The following DPP6 variants were observed in gnomAD, a reference collection of about 807,000 sequenced individuals.
The protein encoded by DPP6 is dipeptidyl peptidase like 6, also known as A-type potassium channel modulatory protein DPP6.
Under a neutral mutation model 122.6 loss-of-function variants are expected in DPP6, and 69 were observed. The ratio of observed to expected loss-of-function variants is 0.56; its 90% CI spans 0.46 to 0.69. DPP6 has a LOEUF of 0.69. DPP6 is among the 30% of genes least tolerant of loss of function. The pLI is 0.00. For synonymous variants in DPP6, 418 were observed against 433.1 expected, an observed-to-expected ratio of 0.97 and a Z score of 0.43; for missense variants, 928 against 1,116.9, an observed-to-expected ratio of 0.83 and a Z score of 2.41.
At chr7:154,425,784 A>C (rs1817866394) in intron 1 of DPP6, among the ~76,000 whole-genome samples, 2 of 151,998 alleles carry the variant, frequency 1.3e-5, no homozygotes, top group Non-Finnish European at 2.9e-5. Flanking sequence ...CTGGGCCTAC[A>C]GGCACACACC....
intron 1 of DPP6, among the ~76,000 whole-genome samples, chr7:154,186,019 T>C (rs1433635817): frequency 1.3e-5 from 2 of 152,214 alleles, no homozygotes; most frequent in Non-Finnish European, 2.9e-5. Flanking sequence ...CTAGGCTGCA[T>C]TGGGAAAACC....
At chr7:154,152,476 G>A (rs543013193) in intron 1 of DPP6, among the ~76,000 whole-genome samples, 19 of 152,300 alleles carry the variant, frequency 1.2e-4, no homozygotes, top group African/African-American at 4.1e-4. Context: ...CTTGTGTTGA[G>A]TTTTATGCCC....
intron 8 of DPP6, among the ~76,000 whole-genome samples, chr7:154,745,473 C>A (rs986421765): frequency 2.0e-5 from 3 of 152,156 alleles, no homozygotes; most frequent in Non-Finnish European, 4.4e-5. Context: ...TAACACCCGG[C>A]CTTCCCATCT....
chr7:153,846,544 G>A, the DPP6 span, among the ~76,000 whole-genome samples: 1 of 151,334 alleles, frequency 6.6e-6, no homozygotes. Context: ...TTATTTTATG[G>A]CCCGGCACAC....
chr7:153,852,559 C>A, the DPP6 span, among the ~76,000 whole-genome samples: 2,033 of 152,170 alleles, frequency 0.013, 40 homozygotes, highest in African/African-American at 0.047. Flanking sequence ...TCAACTCCCA[C>A]CAGGCCCCAC....
At position 154,231,398 on chromosome 7, in the gene DPP6, TC is replaced by T. The variant is rs143723962; in HGVS notation, c.243+178336del. On this transcript the variant is annotated intron_variant, in intron 1 of 25. Transcript: ENST00000377770. ...TCAGTCCAAGTTTTGTGTGAGGACA[TC>T]AGGAGCCTCCCTAGGAATACGAGTA... 1.2e-3 allele frequency among the ~76,000 whole-genome samples: 187 copies of T among 152,272 alleles called. 1 individual carries two copies. The highest frequency in any genetic ancestry group is 4.1e-3 in the African/African-American group (171 of 41,558).
At chr7:154,682,040 A>G (rs1333612827) in intron 7 of DPP6, among the ~76,000 whole-genome samples, 1 of 152,216 alleles carries the variant, frequency 6.6e-6, no homozygotes, top group Non-Finnish European at 1.5e-5. Context: ...AAGGGAAAGT[A>G]AAATTAAATG....
At chr7:153,870,290 A>G in the DPP6 span, among the ~76,000 whole-genome samples, 2,030 of 152,314 alleles carry the variant, frequency 0.013, 57 homozygotes, top group African/African-American at 0.046. Flanking sequence ...AGGTACACCA[A>G]TCAGATGTAG....
chr7:154,560,647 G>T (rs1245345891), intron 4 of DPP6, among the ~76,000 whole-genome samples: 1 of 152,176 alleles, frequency 6.6e-6, no homozygotes, highest in African/African-American at 2.4e-5. Flanking sequence ...ACTTTGGAAG[G>T]CTGAGACTGG....
chr7:153,796,869 G>C, the DPP6 span, among the ~76,000 whole-genome samples: 3 of 152,286 alleles, frequency 2.0e-5, no homozygotes, highest in South Asian at 4.2e-4. Context: ...GTGTGGACTG[G>C]GTTTAGTGAC....
At chr7:154,227,307 C>T (rs1800669167) in intron 1 of DPP6, among the ~76,000 whole-genome samples, 1 of 150,018 alleles carries the variant, frequency 6.7e-6, no homozygotes, top group Non-Finnish European at 1.5e-5. Context: ...ACCTAGAGGA[C>T]ATTATACTAA....
chr7:154,563,845 C>T (rs566024115), intron 4 of DPP6, among the ~76,000 whole-genome samples: 9 of 152,056 alleles, frequency 5.9e-5, no homozygotes, highest in Non-Finnish European at 1.2e-4. Context: ...AAGGTCAGGT[C>T]CAGTGCGGGT....
chr7:154,801,548 G>T (rs1798367720), intron 13 of DPP6, 86 bp downstream of exon 13: 1 of 1,453,078 alleles, frequency 6.9e-7, no homozygotes, highest in African/African-American at 1.4e-5. Context: ...GGGCACACTT[G>T]CGTTTTCGAG....
At chr7:154,063,449 G>A (rs1277521866) in intron 1 of DPP6, among the ~76,000 whole-genome samples, 11 of 121,124 alleles carry the variant, frequency 9.1e-5, no homozygotes, top group African/African-American at 3.1e-4. Flanking sequence ...AGGGGGGGAG[G>A]CACCTCCCGC....
rs536301648 is a variant in DPP6, at chr7:154,794,191, G to A, written c.1249G>A (p.Val417Ile). 1.5e-4 allele frequency: 246 copies of A among 1,610,186 alleles called. No homozygotes were observed. The East Asian group carries it at 5.0e-3, about 33-fold the overall frequency. The change falls in exon 11 of 26, where the codon GTC becomes ATC. Residue 417 changes from valine (V) to isoleucine (I), a missense_variant. Coordinates refer to ENST00000377770, the MANE Select transcript of DPP6 (RefSeq NM_130797.4). ...ILTLCDATTG[V>I]CTKKHEDESE... ...CACCCTCTGCGACGCCACCACGGGG[G>A]TCTGCACGAAGGTACGCGGGGCTGT...
At chr7:153,908,162 C>T (rs190710267) in intron 1 of DPP6, among the ~76,000 whole-genome samples, 3 of 151,660 alleles carry the variant, frequency 2.0e-5, no homozygotes, top group Non-Finnish European at 4.4e-5. Flanking sequence ...CGTGCATCAC[C>T]ACTTGTGCAA....
chr7:154,121,262 G>C lies in DPP6; in HGVS notation c.243+68199G>C, dbSNP rs188773826. Among the ~76,000 whole-genome samples the C allele has an allele frequency of 1.2e-3, 177 of 152,232 alleles. 1 individual carries two copies. Among genetic ancestry groups the C allele is most frequent in the African/African-American group, 4.2e-3 (173 of 41,550 alleles). ...TCTCCACTGTTTTTCTATTCTCTAC[G>C]TTATTTACTTCTGCTCTATTATTTA... On this transcript the variant is annotated intron_variant, in intron 1 of 25. Coordinates refer to ENST00000377770, the MANE Select transcript of DPP6 (RefSeq NM_130797.4).
chr7:153,771,112 T>C, the DPP6 span, among the ~76,000 whole-genome samples: 51 of 152,296 alleles, frequency 3.3e-4, no homozygotes, highest in African/African-American at 1.2e-3. Context: ...AACCACACCA[T>C]GGATCTGAGA....
rs139209483 is a variant in DPP6 at position 154,233,875 on chromosome 7, A to C, written c.243+180812A>C. On this transcript the variant is annotated intron_variant, in intron 1 of 25. Transcript: ENST00000377770. ...AAAAGAGAAGCGAAGCAAAACTTGCATGCACAACAGGTATGATGATGCTCA... is the reference window on the plus strand; with the variant it reads ...AAAAGAGAAGCGAAGCAAAACTTGCCTGCACAACAGGTATGATGATGCTCA... 5.5e-4 allele frequency among the ~76,000 whole-genome samples: 84 copies of C among 152,370 alleles called. No homozygotes were observed. In the East Asian group the frequency reaches 0.015, roughly 27 times the overall value.
Sources: gnomAD v4.1 joint callset for allele counts (sites outside exome capture counted in the v4.1 genomes callset) on GRCh38, gnomAD v4.1.1 for gene constraint, MANE v1.5 for transcripts, NCBI Gene and HGNC (gene_info 2026-07-23, HGNC 2026-07-21) for gene names.